Variants in VPS41 observed in about 807,000 individuals in gnomAD.
The protein encoded by VPS41 is vacuolar protein sorting-associated protein 41 homolog.
VPS41 carries 85 observed loss-of-function variants against 130.9 expected under a neutral mutation model. That is an observed-to-expected ratio of 0.65 (90% CI 0.55 to 0.78). The LOEUF is 0.78. Among genes scored for constraint, VPS41 ranks in the 30% least tolerant of loss-of-function variants. The probability of loss-of-function intolerance (pLI) is 0.00; values close to 1 mark genes in which losing one functional copy is unlikely to be tolerated. For missense variants in VPS41, 874 were observed against 1,018.7 expected (o/e 0.86, Z 1.93); for synonymous variants, 335 against 332.9 (o/e 1.01, Z -0.07).
chr7:38,807,526 T>C (rs1354104297), intron 7 of VPS41, among the ~76,000 whole-genome samples: 3 of 152,222 alleles, frequency 2.0e-5, no homozygotes, highest in Non-Finnish European at 2.9e-5. Flanking sequence ...TTCTGACTAA[T>C]GGTCTTATTA....
chr7:38,829,769 A>G (rs2116167018), intron 5 of VPS41, among the ~76,000 whole-genome samples: 1 of 152,346 alleles, frequency 6.6e-6, no homozygotes, highest in South Asian at 2.1e-4. Flanking sequence ...TAATGTGGCC[A>G]TTGTAAGACA....
chr7:38,884,178 T>C (rs1443850963), intron 2 of VPS41, among the ~76,000 whole-genome samples: 1 of 152,252 alleles, frequency 6.6e-6, no homozygotes, highest in East Asian at 1.9e-4. Context: ...GTGTGATGCA[T>C]TTCCTGATTT....
intron 25 of VPS41, among the ~76,000 whole-genome samples, chr7:38,729,376 C>T (rs924690341): frequency 4.6e-5 from 7 of 152,102 alleles, no homozygotes; most frequent in African/African-American, 1.7e-4. Flanking sequence ...CTTTCCAAAT[C>T]TAATCCAAAC....
chr7:38,873,192 T>C (rs1786410161), intron 2 of VPS41, among the ~76,000 whole-genome samples: 1 of 152,138 alleles, frequency 6.6e-6, no homozygotes, highest in South Asian at 2.1e-4. Flanking sequence ...AAATGAAAAC[T>C]CCAATATTAG....
chr7:38,878,275 C>CA (rs1786532126), intron 2 of VPS41, among the ~76,000 whole-genome samples: 1 of 151,956 alleles, frequency 6.6e-6, no homozygotes, highest in Non-Finnish European at 1.5e-5. Context: ...ATGAGACACA[C>CA]AAAAAAACAG....
chr7:38,739,249 C>CA (rs1795833051), intron 25 of VPS41, among the ~76,000 whole-genome samples: 2 of 152,200 alleles, frequency 1.3e-5, no homozygotes, highest in South Asian at 4.1e-4. Context: ...CACCCAGCCC[C>CA]ATCACACACA....
At chr7:38,905,061 G>C (rs182357441) in intron 1 of VPS41, among the ~76,000 whole-genome samples, 1 of 152,028 alleles carries the variant, frequency 6.6e-6, no homozygotes, top group African/African-American at 2.4e-5. Flanking sequence ...ATAATTTCAC[G>C]CAAATCCTAC....
intron 5 of VPS41, among the ~76,000 whole-genome samples, chr7:38,828,189 T>C (rs1007350433): frequency 2.0e-5 from 3 of 152,158 alleles, no homozygotes; most frequent in East Asian, 3.8e-4. Flanking sequence ...AAACCTTGTA[T>C]GTACTTATCC....
chr7:38,774,549 GA>G (rs1402419827), intron 11 of VPS41, among the ~76,000 whole-genome samples: 2 of 150,332 alleles, frequency 1.3e-5, no homozygotes, highest in Non-Finnish European at 3.0e-5. Flanking sequence ...TGAAACAACT[GA>G]AAAAAAATGG....
At chr7:38,732,723 G>A (rs551678011) in intron 25 of VPS41, among the ~76,000 whole-genome samples, 2 of 152,100 alleles carry the variant, frequency 1.3e-5, no homozygotes, top group African/African-American at 2.4e-5. Context: ...CGTAATGCTG[G>A]TATTAGGGTT....
intron 14 of VPS41, among the ~76,000 whole-genome samples, chr7:38,770,251 G>A (rs182042646): frequency 6.3e-4 from 93 of 147,426 alleles, no homozygotes; most frequent in Admixed American, 2.4e-3. Context: ...CCTGGGCAAC[G>A]AGAGCGAAAC....
chr7:38,730,566 T>C (rs1218436175), intron 25 of VPS41, among the ~76,000 whole-genome samples: 1 of 152,098 alleles, frequency 6.6e-6, no homozygotes. Flanking sequence ...AGGAATCAAT[T>C]TTTTTTGGAT....
intron 19 of VPS41, among the ~76,000 whole-genome samples, chr7:38,756,512 A>T (rs1783797031): frequency 6.6e-6 from 1 of 152,192 alleles, no homozygotes; most frequent in Non-Finnish European, 1.5e-5. Context: ...GGGATAAATG[A>T]GTCAAAGTAT....
At chr7:38,894,132 C>CA (rs924194732) in intron 2 of VPS41, among the ~76,000 whole-genome samples, 20 of 151,840 alleles carry the variant, frequency 1.3e-4, no homozygotes, top group Non-Finnish European at 2.2e-4. Flanking sequence ...GCCTGTCCTT[C>CA]AAAAAAAGTT....
At chr7:38,846,642 T>A (rs1402038572) in intron 4 of VPS41, among the ~76,000 whole-genome samples, 2 of 152,132 alleles carry the variant, frequency 1.3e-5, no homozygotes, top group African/African-American at 4.8e-5. Context: ...ATCCTAGCAC[T>A]GCTTTGGGAA....
intron 2 of VPS41, among the ~76,000 whole-genome samples, chr7:38,876,001 C>T (rs556682158): frequency 7.2e-5 from 11 of 152,264 alleles, no homozygotes; most frequent in East Asian, 5.8e-4. Context: ...AAAATACATA[C>T]GGTTAAATGA....
intron 2 of VPS41, among the ~76,000 whole-genome samples, chr7:38,873,461 A>C (rs1453842660): frequency 7.5e-6 from 1 of 133,344 alleles, no homozygotes; most frequent in African/African-American, 3.4e-5. Context: ...AATAGAAAAA[A>C]GGTTTTCATG....
intron 25 of VPS41, among the ~76,000 whole-genome samples, chr7:38,736,160 A>C (rs1169087273): frequency 3.9e-5 from 6 of 152,270 alleles, no homozygotes; most frequent in Admixed American, 3.9e-4. Flanking sequence ...TCTGTTAAGA[A>C]CTTTAGAAAC....
At chr7:38,898,592 A>T (rs1372160449) in intron 1 of VPS41, among the ~76,000 whole-genome samples, 1 of 152,234 alleles carries the variant, frequency 6.6e-6, no homozygotes, top group Non-Finnish European at 1.5e-5. Context: ...TTTTAAAAGA[A>T]TCTCCTACAG....
Sources: gnomAD v4.1 joint callset for allele counts (sites outside exome capture counted in the v4.1 genomes callset) on GRCh38, gnomAD v4.1.1 for gene constraint, MANE v1.5 for transcripts, NCBI Gene and HGNC (gene_info 2026-07-23, HGNC 2026-07-21) for gene names.